Variants in CPT1C observed in about 807,000 individuals in gnomAD.
CPT1C encodes the protein carnitine palmitoyltransferase 1C, also known as palmitoyl thioesterase CPT1C.
A neutral mutation model predicts 97.3 loss-of-function variants in CPT1C; 61 were observed. That is an observed-to-expected ratio of 0.63 (90% CI 0.51 to 0.78). The LOEUF (loss-of-function observed/expected upper bound fraction) is 0.78, where lower values mean the gene tolerates loss of function less well. Ranked by LOEUF, CPT1C falls within the 30% of genes least tolerant of loss-of-function variation. The probability of loss-of-function intolerance (pLI) is 0.00; values close to 1 mark genes in which losing one functional copy is unlikely to be tolerated. For synonymous variants in CPT1C, 469 were observed against 447.2 expected (o/e 1.05, Z -0.61); for missense variants, 975 against 1,065.5 (o/e 0.92, Z 1.18).
In CPT1C at chr19:49,705,923, C is replaced by A. The variant is rs773593581; in HGVS notation, c.979C>A (p.Leu327Ile). Residue 327 changes from leucine to isoleucine, a missense_variant, in exon 11 of 20, where the codon CTC (leucine) becomes ATC (isoleucine). Leu to Ile is a conservative substitution (Grantham distance 5). This residue lies in a region of CPT1C where 596 missense variants were observed against 603.1 expected (regional missense o/e 0.99). Coordinates refer to ENST00000598293, the MANE Select transcript of CPT1C (RefSeq NM_001199753.2). The part of the protein sequence containing the change: ...PGVQKDYIRH[L>I]HDSQHVAVFH... Reference sequence around the variant, plus strand: ...GCCACCCCTAGACTACATCCGCCACCTCCATGACAGCCAACACGTGGCTGT... The same window carrying A: ...GCCACCCCTAGACTACATCCGCCACATCCATGACAGCCAACACGTGGCTGT... 2 of 1,613,740 alleles carry A rather than the reference C, an allele frequency of 1.2e-6. No homozygotes were observed. Among genetic ancestry groups the A allele is most frequent in the Admixed American group, 1.7e-5 (1 of 59,960 alleles).
At chr19:49,698,450 G>A (rs1013041836) in intron 4 of CPT1C, among the ~76,000 whole-genome samples, 1 of 151,434 alleles carries the variant, frequency 6.6e-6, no homozygotes, top group East Asian at 2.0e-4. Context: ...ATCACCTGAG[G>A]TCAGGAGTTT....
chr19:49,705,387 A>G, intron 10 of CPT1C, 89 bp downstream of exon 10: 1 of 1,117,962 alleles, frequency 8.9e-7, no homozygotes, highest in Non-Finnish European at 1.3e-6. Flanking sequence ...CTGAGCTGGG[A>G]ACCATTGCTT....
intron 5 of CPT1C, 90 bp from the exon 6 acceptor site, chr19:49,701,227 C>G (rs1252263462): frequency 9.4e-7 from 1 of 1,063,262 alleles, no homozygotes; most frequent in Middle Eastern, 3.0e-4. Context: ...GTGTCCTTCT[C>G]TTTGGGTTTC....
intron 7 of CPT1C, among the ~76,000 whole-genome samples, chr19:49,704,245 C>T (rs571879956): frequency 7.9e-5 from 12 of 152,314 alleles, no homozygotes; most frequent in African/African-American, 2.6e-4. Context: ...GATCTCAGCT[C>T]CTTGCAACCT....
chr19:49,696,169 G>A (rs1030585489), intron 3 of CPT1C, among the ~76,000 whole-genome samples: 8 of 152,130 alleles, frequency 5.3e-5, no homozygotes, highest in African/African-American at 1.7e-4. Context: ...GAGCTACTGC[G>A]CCCGGCCAAA....
At chr19:49,711,260 A>ATTTTTT (rs34561432) in intron 16 of CPT1C, 4 of 135,340 alleles carry the variant, frequency 3.0e-5, no homozygotes, top group Non-Finnish European at 1.6e-5. Context: ...TGCCCAGCTA[A>ATTTTTT]TTTTTTTTTT....
chr19:49,692,192 G>A, intron 2 of CPT1C, 47 bp from the exon 3 acceptor site: 1 of 1,596,970 alleles, frequency 6.3e-7, no homozygotes, highest in South Asian at 1.1e-5. Context: ...TCCTGAGTCT[G>A]AGGGCGGAGG....
At chr19:49,703,934 G>C (rs184117805) in intron 7 of CPT1C, among the ~76,000 whole-genome samples, 3 of 151,888 alleles carry the variant, frequency 2.0e-5, no homozygotes, top group Non-Finnish European at 4.4e-5. Context: ...CGCCCAGCCT[G>C]TATATTTTAT....
In CPT1C at chr19:49,704,705, C is replaced by G. The variant is rs1449603868; in HGVS notation, c.694-5C>G. 1 of 1,613,548 alleles carries G rather than the reference C, an allele frequency of 6.2e-7. No individual in the cohort carries two copies. Among genetic ancestry groups the G allele is most frequent in the East Asian group, 2.2e-5 (1 of 44,878 alleles). Reference sequence around the variant, plus strand: ...TCACTGTGTGTCTCCCCACCCCGCTCCCAGGTCAGTGACTGGTGGGAGGAA... The same window carrying G: ...TCACTGTGTGTCTCCCCACCCCGCTGCCAGGTCAGTGACTGGTGGGAGGAA... On this transcript the variant is annotated splice_region_variant and splice_polypyrimidine_tract_variant and intron_variant, in intron 7 of 19. Transcript: ENST00000598293.
At chr19:49,707,475 G>A (rs771760028) in intron 12 of CPT1C, 43 bp from the exon 13 acceptor site, 38 of 1,430,320 alleles carry the variant, frequency 2.7e-5, no homozygotes, top group Non-Finnish European at 3.6e-5. Flanking sequence ...TGAGGTCCCC[G>A]TGCCCCTCGC....
Position 49,706,357 on chromosome 19 carries a change from G to C in CPT1C, c.1287G>C (p.Pro429=). 4.6e-6 allele frequency: 7 copies of C among 1,511,174 alleles called. No individual in the cohort carries two copies. Among genetic ancestry groups the C allele is most frequent in the Non-Finnish European group, 6.2e-6 (7 of 1,134,674 alleles). 93.6% of individuals were successfully genotyped at this position (1,511,174 alleles called of 1,614,324 possible). The change falls in exon 12 of 20, where the codon CCG becomes CCC. Residue 429 remains proline, a synonymous_variant. Coordinates refer to ENST00000598293, the MANE Select transcript of CPT1C (RefSeq NM_001199753.2). This position sits in a 1 kb window ranked among gnomAD's most constrained non-coding sequence, Gnocchi z 4.8. The part of the protein sequence containing the change: ...AEPAGLTRED[P]AASLDAYAHA... ...CCGCGGGGCTCACCAGGGAGGACCC[G>C]GCAGCGTCGTTGGATGCCTACGCCC...
Position 49,697,402 on chromosome 19 carries a change from G to C in CPT1C, c.218G>C (p.Trp73Ser), listed in dbSNP as rs914057447. 8 of 1,614,006 alleles carry C rather than the reference G, an allele frequency of 5.0e-6. No individual in the cohort carries two copies. The African/African-American group carries it at 8.0e-5, about 16-fold the overall frequency. The change falls in exon 4 of 20, where the codon TGG (tryptophan) becomes TCG (serine). Residue 73 changes from tryptophan to serine, a missense_variant. By Grantham distance (177) the Trp-to-Ser change is radical. Transcript: ENST00000598293. ...LFLFSAIQLA[W>S]FLQLDPSLGL... ...CTCTTCAGTGCCATCCAGCTTGCCT[G>C]GTTCCTCCAGCTGGATCCTTCCTTA...
chr19:49,701,663 C>T (rs751247845), intron 7 of CPT1C, 29 bp downstream of exon 7: 1 of 1,576,900 alleles, frequency 6.3e-7, no homozygotes, highest in Non-Finnish European at 8.6e-7. Flanking sequence ...ACCAACGCCC[C>T]ACCTGAAGGG....
At chr19:49,703,899 C>G (rs913860045) in intron 7 of CPT1C, among the ~76,000 whole-genome samples, 1 of 151,934 alleles carries the variant, frequency 6.6e-6, no homozygotes, top group African/African-American at 2.4e-5. Flanking sequence ...TCCCAAAATG[C>G]TGAGATAAGA....
intron 5 of CPT1C, 121 bp downstream of exon 5, chr19:49,700,976 CCT>C (rs1275065776): frequency 2.8e-6 from 3 of 1,084,682 alleles, no homozygotes; most frequent in Middle Eastern, 2.7e-4. Context: ...GTCTCTTCCC[CCT>C]CTCTTTCTGG....
At position 49,691,307 on chromosome 19, in the gene CPT1C, C is replaced by T. The variant is rs1202193696; in HGVS notation, c.-117C>T. The stretch of plus-strand genomic sequence containing the variant: ...CGGGGGTGGACTCGGGTTTGGACCC[C>T]AGGATCCGATCAGCGGACCCTTGAT... On this transcript the variant is annotated 5_prime_UTR_variant, in exon 1 of 20. Transcript: ENST00000598293. 1 of 152,168 alleles carries T rather than the reference C, an allele frequency of 6.6e-6. No homozygotes were observed. Among genetic ancestry groups the T allele is most frequent in the Non-Finnish European group, 1.5e-5 (1 of 68,086 alleles). The allele number at this position is 152,168 out of a possible 1,614,324, so 9.4% of individuals were successfully genotyped here.
intron 7 of CPT1C, among the ~76,000 whole-genome samples, chr19:49,702,001 A>AT (rs2083133860): frequency 1.4e-5 from 1 of 70,206 alleles, no homozygotes; most frequent in Non-Finnish European, 2.6e-5. Flanking sequence ...TATTATAAAT[A>AT]TATTAAATAT....
At position 49,701,512 on chromosome 19, in the gene CPT1C, C is replaced by T. The variant is rs745615051; in HGVS notation, c.571C>T (p.Arg191Trp). The T allele has an allele frequency of 7.5e-6, 12 of 1,608,934 alleles. No individual in the cohort carries two copies. The highest frequency in any genetic ancestry group is 1.1e-5 in the South Asian group (1 of 90,730). ...TCCCCTTTAGTACCTGGAGTCGGTC[C>T]GGCCCATCCTCTCCGACGAGGACTT... is the stretch of plus-strand genomic sequence containing the variant. ...DTVRKYLESVRPILSDEDFDW... is the reference protein window; with the variant it reads ...DTVRKYLESVWPILSDEDFDW... Residue 191 changes from arginine (R) to tryptophan (W), a missense_variant, in exon 7 of 20, where the codon CGG (arginine) becomes TGG (tryptophan). Around this residue, in one of 3 missense-constraint regions of CPT1C, gnomAD observed 596 missense variants for 603.1 expected, o/e 0.99. Coordinates refer to ENST00000598293, the MANE Select transcript of CPT1C (RefSeq NM_001199753.2).
At position 49,705,878 on chromosome 19, in the gene CPT1C, G is replaced by A. The variant is rs368992270; in HGVS notation, c.965-31G>A. 7.4e-5 allele frequency: 117 copies of A among 1,586,100 alleles called. 1 individual carries two copies. The highest frequency in any genetic ancestry group is 9.8e-5 in the Non-Finnish European group (114 of 1,163,218). On this transcript the variant is annotated intron_variant, in intron 10 of 19. Transcript: ENST00000598293. ...CTATTTTTATGTGTCTGGCCTTCCTGCCCCCATGCTTCTGCCAACGCCACC... is the reference window on the plus strand; with the variant it reads ...CTATTTTTATGTGTCTGGCCTTCCTACCCCCATGCTTCTGCCAACGCCACC...
Sources: allele counts gnomAD v4.1 joint callset (sites outside exome capture counted in the v4.1 genomes callset), GRCh38; gene constraint gnomAD v4.1.1; regional missense constraint gnomAD v4.1.1; non-coding constraint Gnocchi (gnomAD v3.1); transcripts MANE v1.5; gene names NCBI Gene and HGNC (gene_info 2026-07-23, HGNC 2026-07-21).